LSAMP: variants seen among roughly 807,000 people sequenced by gnomAD.
LSAMP encodes the protein limbic system-associated membrane protein.
Under a neutral mutation model 38.6 loss-of-function variants are expected in LSAMP, and 7 were observed. The observed-to-expected ratio is 0.18, with a 90% CI of 0.10 to 0.34. The LOEUF is 0.34. Among genes scored for constraint, LSAMP ranks in the 10% least tolerant of loss-of-function variants. The pLI is 1.00. For missense variants in LSAMP, 313 were observed against 420.0 expected, an observed-to-expected ratio of 0.75 and a Z score of 2.23; for synonymous variants, 154 against 166.8, an observed-to-expected ratio of 0.92 and a Z score of 0.59.
At chr3:116,276,143 T>TAATA (rs1376696800) in intron 1 of LSAMP, among the ~76,000 whole-genome samples, 1 of 152,206 alleles carries the variant, frequency 6.6e-6, no homozygotes, top group Non-Finnish European at 1.5e-5. Context: ...GTTTATACTT[T>TAATA]AATACATAAA....
chr3:116,076,723 T>A (rs1381681236), intron 2 of LSAMP, among the ~76,000 whole-genome samples: 1 of 152,186 alleles, frequency 6.6e-6, no homozygotes, highest in East Asian at 1.9e-4. Flanking sequence ...CATCTTTACA[T>A]CTTTAATGAT....
intron 1 of LSAMP, among the ~76,000 whole-genome samples, chr3:116,147,969 A>T (rs1164122674): frequency 6.6e-6 from 1 of 151,772 alleles, no homozygotes; most frequent in Non-Finnish European, 1.5e-5. Context: ...AATATATACA[A>T]TTTTTTTGTC....
intron 1 of LSAMP, among the ~76,000 whole-genome samples, chr3:116,319,230 A>C (rs188915748): frequency 6.6e-6 from 1 of 152,300 alleles, no homozygotes; most frequent in Non-Finnish European, 1.5e-5. Context: ...TTTCCTCTAT[A>C]AAAAAGTTAA....
chr3:115,849,408 C>G (rs1381685643), intron 4 of LSAMP, among the ~76,000 whole-genome samples: 1 of 152,082 alleles, frequency 6.6e-6, no homozygotes, highest in Non-Finnish European at 1.5e-5. Context: ...TGCCCTGCAA[C>G]AAACATCTGT....
chr3:116,350,755 G>T (rs1371071783), intron 1 of LSAMP, among the ~76,000 whole-genome samples: 1 of 151,898 alleles, frequency 6.6e-6, no homozygotes, highest in Non-Finnish European at 1.5e-5. Flanking sequence ...CTTAATAAGA[G>T]AAGAAAAATT....
At chr3:116,145,794 T>C (rs1709477464) in intron 1 of LSAMP, among the ~76,000 whole-genome samples, 1 of 151,972 alleles carries the variant, frequency 6.6e-6, no homozygotes, top group Non-Finnish European at 1.5e-5. Flanking sequence ...TATATGACTT[T>C]CGCAGATACA....
At chr3:115,964,111 A>G (rs1008400481) in intron 3 of LSAMP, among the ~76,000 whole-genome samples, 2 of 152,162 alleles carry the variant, frequency 1.3e-5, no homozygotes, top group Non-Finnish European at 2.9e-5. Flanking sequence ...ATAGTGTTCA[A>G]TTGACAGTTT....
chr3:115,863,510 G>A (rs1935768411), intron 3 of LSAMP, among the ~76,000 whole-genome samples: 1 of 146,800 alleles, frequency 6.8e-6, no homozygotes, highest in South Asian at 2.2e-4. Flanking sequence ...TCTAAACAAT[G>A]GGATTCAAAT....
intron 1 of LSAMP, among the ~76,000 whole-genome samples, chr3:116,345,032 G>C (rs985297505): frequency 6.6e-6 from 1 of 152,082 alleles, no homozygotes; most frequent in Non-Finnish European, 1.5e-5. Context: ...GATTTGTTTA[G>C]CACATATTTA....
intron 1 of LSAMP, among the ~76,000 whole-genome samples, chr3:116,351,927 C>T (rs1200213383): frequency 6.6e-6 from 1 of 152,070 alleles, no homozygotes; most frequent in Non-Finnish European, 1.5e-5. Flanking sequence ...ATATCCCCAA[C>T]ATGTGGATAT....
At chr3:116,218,538 C>T (rs1265549442) in intron 1 of LSAMP, among the ~76,000 whole-genome samples, 2 of 152,196 alleles carry the variant, frequency 1.3e-5, no homozygotes, top group African/African-American at 2.4e-5. Flanking sequence ...CAGTGTACAA[C>T]ATTGATGACT....
intron 1 of LSAMP, among the ~76,000 whole-genome samples, chr3:116,182,278 C>A (rs566138102): frequency 0.017 from 2,537 of 151,664 alleles, 33 homozygotes; most frequent in Middle Eastern, 0.031. Flanking sequence ...TCAGAAAATA[C>A]ATTTTCTACA....
intron 1 of LSAMP, among the ~76,000 whole-genome samples, chr3:116,163,318 A>G (rs1709946835): frequency 6.7e-6 from 1 of 148,710 alleles, no homozygotes; most frequent in Non-Finnish European, 1.5e-5. Context: ...GAGTGAGAAC[A>G]TGTGGTGTTT....
chr3:115,813,954 G>A (rs1181655213), intron 6 of LSAMP, among the ~76,000 whole-genome samples: 1 of 152,092 alleles, frequency 6.6e-6, no homozygotes, highest in Non-Finnish European at 1.5e-5. Flanking sequence ...GAATAGATGG[G>A]CAAATAGAAC....
chr3:116,086,574 C>A lies in LSAMP; in HGVS notation c.156-18G>T, dbSNP rs745587133. 6.3e-7 allele frequency: 1 copy of A among 1,583,766 alleles called. No homozygotes were observed. Among genetic ancestry groups the A allele is most frequent in the Non-Finnish European group, 8.7e-7 (1 of 1,152,344 alleles). On this transcript the variant is annotated intron_variant, in intron 1 of 6. Transcript: ENST00000490035. ...CAACGCACCTGACAGAGCAGAGTAA[C>A]AATATTAGTGCCTTAACAACAACTA...
chr3:115,872,329 G>C (rs1218256314), intron 3 of LSAMP, among the ~76,000 whole-genome samples: 1 of 152,076 alleles, frequency 6.6e-6, no homozygotes, highest in African/African-American at 2.4e-5. Context: ...TCCTTTAGTT[G>C]TTATAACTAC....
At chr3:116,217,505 C>T (rs1400295321) in intron 1 of LSAMP, among the ~76,000 whole-genome samples, 1 of 152,206 alleles carries the variant, frequency 6.6e-6, no homozygotes, top group African/African-American at 2.4e-5. Flanking sequence ...CCAAGTGCCT[C>T]CTATGTTCTG....
intron 3 of LSAMP, among the ~76,000 whole-genome samples, chr3:115,890,741 C>T (rs1236631314): frequency 1.3e-5 from 2 of 151,900 alleles, no homozygotes; most frequent in East Asian, 1.9e-4. Flanking sequence ...ACTGATGAGG[C>T]TTATGTTGCA....
At chr3:115,901,035 C>A (rs1936860640) in intron 3 of LSAMP, among the ~76,000 whole-genome samples, 1 of 152,044 alleles carries the variant, frequency 6.6e-6, no homozygotes, top group Non-Finnish European at 1.5e-5. Context: ...CTATATTCAC[C>A]TTTGCTTAGT....
Sources: gnomAD v4.1 joint callset for allele counts (sites outside exome capture counted in the v4.1 genomes callset) on GRCh38, gnomAD v4.1.1 for gene constraint, MANE v1.5 for transcripts, NCBI Gene and HGNC (gene_info 2026-07-23, HGNC 2026-07-21) for gene names.